The following KCNK3 variants were observed in gnomAD, a reference collection of about 807,000 sequenced individuals.
The protein encoded by KCNK3 is potassium channel subfamily K member 3.
In KCNK3, 9 loss-of-function variants were observed where a neutral mutation model predicts 27.3. The observed-to-expected ratio is 0.33, with a 90% CI of 0.20 to 0.57. The LOEUF (loss-of-function observed/expected upper bound fraction) is 0.57, where lower values mean the gene tolerates loss of function less well. Among genes scored for constraint, KCNK3 ranks in the 20% least tolerant of loss-of-function variants. The pLI is 0.87. For synonymous variants in KCNK3, 278 were observed against 273.8 expected (o/e 1.02, Z -0.15); for missense variants, 391 against 577.7 (o/e 0.68, Z 3.31).
At chr2:26,726,106 C>CACAGAGAGAGAG (rs1553387172) in intron 1 of KCNK3, among the ~76,000 whole-genome samples, 13 of 81,818 alleles carry the variant, frequency 1.6e-4, no homozygotes, top group African/African-American at 7.9e-4. Context: ...CACACACACA[C>CACAGAGAGAGAG]AGAGAGAGAG....
At position 26,721,088 on chromosome 2, in the gene KCNK3, G is replaced by C. The variant is rs1435510394; in HGVS notation, c.284-6579G>C. 6.6e-6 allele frequency among the ~76,000 whole-genome samples: 1 copy of C among 152,146 alleles called. No homozygotes were observed. Among genetic ancestry groups the C allele is most frequent in the Non-Finnish European group, 1.5e-5 (1 of 68,008 alleles). On this transcript the variant is annotated intron_variant, in intron 1 of 1. Transcript: ENST00000302909. The surrounding 1 kb of genome is among the most constrained non-coding windows in gnomAD (Gnocchi z 4.3). ...CGTCCCCATCCTGGATGTCTAAGGG[G>C]TGGTTTCTCATCACCATCCCAGACC...
chr2:26,697,907 CAAG>C (rs1351870052), intron 1 of KCNK3, among the ~76,000 whole-genome samples: 4 of 152,130 alleles, frequency 2.6e-5, no homozygotes, highest in Non-Finnish European at 4.4e-5. Flanking sequence ...TACATCTTTT[CAAG>C]AAGGAGAGTA....
chr2:26,713,565 A>C lies in KCNK3; in HGVS notation c.284-14102A>C, dbSNP rs560298851. On this transcript the variant is annotated intron_variant, in intron 1 of 1. Coordinates refer to ENST00000302909, the MANE Select transcript of KCNK3 (RefSeq NM_002246.3). ...GAAGCCGAGGCGGGCGGATCCCCTG[A>C]GGTCAGGAGTTCAAGACCAGCCTGG... is the stretch of plus-strand genomic sequence containing the variant. Among the ~76,000 whole-genome samples the C allele has an allele frequency of 1.6e-4, 24 of 152,202 alleles. 1 individual carries two copies. In the East Asian group the frequency reaches 4.6e-3, roughly 29 times the overall value.
intron 1 of KCNK3, among the ~76,000 whole-genome samples, chr2:26,712,603 C>G (rs148978767): frequency 7.8e-4 from 119 of 151,978 alleles, no homozygotes; most frequent in African/African-American, 2.8e-3. Flanking sequence ...CACCCTATAA[C>G]CTATCGGGAT....
chr2:26,718,614 C>T (rs56083993), intron 1 of KCNK3, among the ~76,000 whole-genome samples: 62,719 of 151,774 alleles, frequency 0.41, 14,909 homozygotes, highest in Non-Finnish European at 0.53. Context: ...TATGTGAATA[C>T]ACTTTTTTTT....
At chr2:26,710,203 C>T (rs530318314) in intron 1 of KCNK3, among the ~76,000 whole-genome samples, 29 of 152,332 alleles carry the variant, frequency 1.9e-4, no homozygotes, top group Non-Finnish European at 1.5e-5. Flanking sequence ...AAGTGTGGCC[C>T]CTGTCCCCCG....
chr2:26,722,970 G>A (rs569438615), intron 1 of KCNK3, among the ~76,000 whole-genome samples: 17 of 152,346 alleles, frequency 1.1e-4, no homozygotes, highest in African/African-American at 4.1e-4. Flanking sequence ...ACACAAAGCT[G>A]TCTTTGATCA....
chr2:26,703,473 A>T lies in KCNK3; in HGVS notation c.283+10315A>T, dbSNP rs576194986. 3.3e-5 allele frequency among the ~76,000 whole-genome samples: 5 copies of T among 152,252 alleles called. No homozygotes were observed. The South Asian group carries it at 6.2e-4, about 19-fold the overall frequency. ...TTCTTCCCAACCCTGAGATGCTTTGATTTATTTATCTTCAAAGGGGCAGCC... is the reference window on the plus strand; with the variant it reads ...TTCTTCCCAACCCTGAGATGCTTTGTTTTATTTATCTTCAAAGGGGCAGCC... On this transcript the variant is annotated intron_variant, in intron 1 of 1. Transcript: ENST00000302909.
intron 1 of KCNK3, among the ~76,000 whole-genome samples, chr2:26,699,735 G>T (rs571326581): frequency 5.6e-4 from 85 of 152,298 alleles, no homozygotes; most frequent in African/African-American, 1.9e-3. Flanking sequence ...ACGGACAAGT[G>T]TCTGTAACAG....
Position 26,713,937 on chromosome 2 carries a change from G to A in KCNK3, c.284-13730G>A, listed in dbSNP as rs190221616. ...CTAAAAACACAAAAATTATCCAGGC[G>A]TGGTAGTGGGCACCTGTAATCCCAG... On this transcript the variant is annotated intron_variant, in intron 1 of 1. Transcript: ENST00000302909. Among the ~76,000 whole-genome samples, 44 of 151,540 alleles carry A rather than the reference G, an allele frequency of 2.9e-4. 2 individuals are homozygous for A. The East Asian group carries it at 8.0e-3, about 28-fold the overall frequency.
rs115641389 is a variant in KCNK3, at chr2:26,712,259, C to T, written c.284-15408C>T. 3.4e-3 allele frequency among the ~76,000 whole-genome samples: 519 copies of T among 152,242 alleles called. 1 individual carries two copies. Among genetic ancestry groups the T allele is most frequent in the Non-Finnish European group, 5.2e-3 (354 of 68,014 alleles). On this transcript the variant is annotated intron_variant, in intron 1 of 1. Coordinates refer to ENST00000302909, the MANE Select transcript of KCNK3 (RefSeq NM_002246.3). ...CTGTCTCCGTGTAAAGGGCAGTGTC[C>T]CCGAGGATGGGGACAACTGTTTGCT... is the stretch of plus-strand genomic sequence containing the variant.
At chr2:26,697,148 T>A (rs1042862872) in intron 1 of KCNK3, among the ~76,000 whole-genome samples, 3 of 152,156 alleles carry the variant, frequency 2.0e-5, no homozygotes, top group African/African-American at 4.8e-5. Context: ...CCAGATTCAA[T>A]TGGACCTCTC....
Position 26,693,199 on chromosome 2 carries a change from G to A in KCNK3, c.283+41G>A. 1 of 1,429,896 alleles carries A rather than the reference G, an allele frequency of 7.0e-7. No individual in the cohort carries two copies. Among genetic ancestry groups the A allele is most frequent in the Middle Eastern group, 2.0e-4 (1 of 4,970 alleles). 88.6% of individuals were successfully genotyped at this position (1,429,896 alleles called of 1,614,324 possible). On this transcript the variant is annotated intron_variant, in intron 1 of 1. Transcript: ENST00000302909. This position sits in a 1 kb window ranked among gnomAD's most constrained non-coding sequence, Gnocchi z 5.5. ...GCGGGGGGCGGGAACCCAGGGCTGG[G>A]CGCGGGGCTCCGGGAGTCGTCCGGG...
At chr2:26,700,195 G>A (rs1670290055) in intron 1 of KCNK3, among the ~76,000 whole-genome samples, 1 of 152,224 alleles carries the variant, frequency 6.6e-6, no homozygotes, top group Non-Finnish European at 1.5e-5. Flanking sequence ...CATCAGAGCT[G>A]GGCATAGAGC....
At chr2:26,710,639 T>C (rs1663094285) in intron 1 of KCNK3, among the ~76,000 whole-genome samples, 1 of 152,114 alleles carries the variant, frequency 6.6e-6, no homozygotes, top group Non-Finnish European at 1.5e-5. Context: ...TCCCCTTCCC[T>C]ACCCTGGTCT....
At position 26,728,581 on chromosome 2, in the gene KCNK3, G is replaced by A. The variant is rs1663002; in HGVS notation, c.*13G>A. 0.99 allele frequency: 1,412,995 copies of A among 1,421,272 alleles called. 702,751 individuals are homozygous for A. Among genetic ancestry groups the A allele is most frequent in the East Asian group, 1 (36,702 of 36,702 alleles). The allele number at this position is 1,421,272 out of a possible 1,614,324, so 88.0% of individuals were successfully genotyped here. On this transcript the variant is annotated 3_prime_UTR_variant, in exon 2 of 2. Coordinates refer to ENST00000302909, the MANE Select transcript of KCNK3 (RefSeq NM_002246.3). ...GAGCTCCGTGTGACTGCCCCGAGGG[G>A]CCTGGAGCACCTGGGGGCGCGGGCG...
intron 1 of KCNK3, among the ~76,000 whole-genome samples, chr2:26,696,486 G>A (rs1464443253): frequency 1.3e-5 from 2 of 152,164 alleles, no homozygotes; most frequent in South Asian, 2.1e-4. Flanking sequence ...CAGCTCACAG[G>A]GTGCTCATGG....
Position 26,728,251 on chromosome 2 carries a change from G to A in KCNK3, c.868G>A (p.Ala290Thr). 1.3e-6 allele frequency: 2 copies of A among 1,579,942 alleles called. No homozygotes were observed. Among genetic ancestry groups the A allele is most frequent in the Non-Finnish European group, 1.7e-6 (2 of 1,163,070 alleles). ...TACGGACACCGCCTCATCCACGGCG[G>A]CAGCGGGCGGCGGCGGCTTCCGCAA... is the stretch of plus-strand genomic sequence containing the variant. ...HTTDTASSTA[A>T]AGGGGFRNVY... Residue 290 changes from alanine (A) to threonine (T), a missense_variant, in exon 2 of 2, where the codon GCA (alanine) becomes ACA (threonine). Ala to Thr is a moderately conservative substitution (Grantham distance 58). Transcript: ENST00000302909.
Position 26,728,746 on chromosome 2 carries a change from C to T in KCNK3, c.*178C>T, listed in dbSNP as rs1663481790. The T allele has an allele frequency of 1.9e-6, 1 of 513,056 alleles. No individual in the cohort carries two copies. Among genetic ancestry groups the T allele is most frequent in the South Asian group, 8.1e-5 (1 of 12,350 alleles). 31.8% of individuals were successfully genotyped at this position (513,056 alleles called of 1,614,324 possible). A position where few individuals can be genotyped will look rare whatever the true frequency, so the allele number is the denominator to read the frequency against. ...TTGCACCAGCCGGCAGGAGGCCGGGCTCTGAGGACCCCTGGGGCCCCCATC... is the reference window on the plus strand; with the variant it reads ...TTGCACCAGCCGGCAGGAGGCCGGGTTCTGAGGACCCCTGGGGCCCCCATC... On this transcript the variant is annotated 3_prime_UTR_variant, in exon 2 of 2. Coordinates refer to ENST00000302909, the MANE Select transcript of KCNK3 (RefSeq NM_002246.3).
Sources: gnomAD v4.1 joint callset for allele counts (sites outside exome capture counted in the v4.1 genomes callset) on GRCh38, gnomAD v4.1.1 for gene constraint, Gnocchi (gnomAD v3.1) non-coding constraint, MANE v1.5 for transcripts, NCBI Gene and HGNC (gene_info 2026-07-23, HGNC 2026-07-21) for gene names.